PPP2R2A: variants seen among roughly 807,000 people sequenced by gnomAD.
PPP2R2A encodes the protein protein phosphatase 2 regulatory subunit Balpha.
In PPP2R2A, 9 loss-of-function variants were observed where a neutral mutation model predicts 53.2. That is an observed-to-expected ratio of 0.17 (90% confidence interval 0.10 to 0.30). The LOEUF (loss-of-function observed/expected upper bound fraction) is 0.30, where lower values mean the gene tolerates loss of function less well. Ranked by LOEUF, PPP2R2A falls within the 10% of genes least tolerant of loss-of-function variation. The probability of loss-of-function intolerance (pLI) is 1.00; values close to 1 mark genes in which losing one functional copy is unlikely to be tolerated. For missense variants in PPP2R2A, 235 were observed against 534.6 expected, an observed-to-expected ratio of 0.44 and a Z score of 5.53; for synonymous variants, 169 against 174.2, an observed-to-expected ratio of 0.97 and a Z score of 0.23.
At chr8:26,328,506 A>G (rs1179626455) in intron 2 of PPP2R2A, among the ~76,000 whole-genome samples, 1 of 152,192 alleles carries the variant, frequency 6.6e-6, no homozygotes, top group East Asian at 1.9e-4. Flanking sequence ...TCCATCTATT[A>G]TCAAAGTTTC....
intron 2 of PPP2R2A, among the ~76,000 whole-genome samples, chr8:26,297,540 ACTGT>A (rs987306581): frequency 1.2e-4 from 18 of 152,284 alleles, no homozygotes; most frequent in African/African-American, 3.4e-4. Context: ...TTTATTGAAA[ACTGT>A]CTGTCATGAG....
intron 1 of PPP2R2A, chr8:26,293,302 C>G: frequency 6.6e-7 from 1 of 1,520,794 alleles, no homozygotes; most frequent in Non-Finnish European, 8.8e-7. Context: ...ACCTTATTAA[C>G]TCTTCTGCAG....
chr8:26,347,557 ACTTTAACAACTTTAGGT>A (rs1804283990), intron 3 of PPP2R2A, among the ~76,000 whole-genome samples: 1 of 152,224 alleles, frequency 6.6e-6, no homozygotes, highest in African/African-American at 2.4e-5. Flanking sequence ...GAGTGAAAGC[ACTTTAACAACTTTAGGT>A]TTTAAAGCAT....
chr8:26,336,666 C>T (rs1316949137), intron 2 of PPP2R2A, among the ~76,000 whole-genome samples: 1 of 152,040 alleles, frequency 6.6e-6, no homozygotes, highest in African/African-American at 2.4e-5. Context: ...CACTGAAGAC[C>T]ACAAGCTCGA....
intron 2 of PPP2R2A, among the ~76,000 whole-genome samples, chr8:26,330,366 A>G (rs1345445993): frequency 1.4e-5 from 2 of 145,276 alleles, no homozygotes; most frequent in South Asian, 2.1e-4. Context: ...CTGGAGTGCA[A>G]TGGCACCATC....
chr8:26,295,508 ACAAAGT>A (rs1162389047), intron 2 of PPP2R2A, among the ~76,000 whole-genome samples: 1 of 152,238 alleles, frequency 6.6e-6, no homozygotes, highest in African/African-American at 2.4e-5. Context: ...TGAGCAGAAA[ACAAAGT>A]CAAAGTTTTC....
chr8:26,353,682 T>C (rs749011824), intron 3 of PPP2R2A, among the ~76,000 whole-genome samples: 3 of 152,258 alleles, frequency 2.0e-5, no homozygotes, highest in Non-Finnish European at 2.9e-5. Flanking sequence ...ATATTAATGC[T>C]AACCAGAGTA....
At chr8:26,314,917 T>C (rs1802473763) in intron 2 of PPP2R2A, among the ~76,000 whole-genome samples, 1 of 133,524 alleles carries the variant, frequency 7.5e-6, no homozygotes, top group Non-Finnish European at 1.6e-5. Flanking sequence ...TATTTTCCAT[T>C]TCCTTTTTGC....
chr8:26,347,172 CTT>C (rs1223241486), intron 3 of PPP2R2A, among the ~76,000 whole-genome samples: 35 of 141,262 alleles, frequency 2.5e-4, no homozygotes, highest in Admixed American at 3.6e-4. Context: ...TAAAATGAAT[CTT>C]TTTTTTTTTT....
At chr8:26,295,711 CAT>C (rs1323212088) in intron 2 of PPP2R2A, among the ~76,000 whole-genome samples, 3 of 152,128 alleles carry the variant, frequency 2.0e-5, no homozygotes, top group East Asian at 3.8e-4. Context: ...AGTAAGATAA[CAT>C]ATCTTAGTAA....
In PPP2R2A at chr8:26,327,187, G is replaced by A. The variant is rs978177769; in HGVS notation, c.83-11703G>A. On this transcript the variant is annotated intron_variant, in intron 2 of 9. Coordinates refer to ENST00000380737, the MANE Select transcript of PPP2R2A (RefSeq NM_002717.4). Reference sequence around the variant, plus strand: ...AGAGCAGCTCCATCTTCTCTTTAGAGTATGTTACATAAGCATTAAATCGAG... The same window carrying A: ...AGAGCAGCTCCATCTTCTCTTTAGAATATGTTACATAAGCATTAAATCGAG... Among the ~76,000 whole-genome samples the A allele has an allele frequency of 3.9e-5, 6 of 152,182 alleles. No individual in the cohort carries two copies. In the East Asian group the frequency reaches 1.2e-3, roughly 29 times the overall value.
chr8:26,327,314 T>C (rs1458148672), intron 2 of PPP2R2A, among the ~76,000 whole-genome samples: 3 of 152,176 alleles, frequency 2.0e-5, no homozygotes, highest in Non-Finnish European at 4.4e-5. Context: ...CTTCCCGCCC[T>C]TCAGCCTCAG....
In PPP2R2A at chr8:26,360,504, T is replaced by C; in HGVS notation, c.459+223T>C. On this transcript the variant is annotated intron_variant, in intron 5 of 9. Coordinates refer to ENST00000380737, the MANE Select transcript of PPP2R2A (RefSeq NM_002717.4). The surrounding 1 kb of genome is among the most constrained non-coding windows in gnomAD (Gnocchi z 4.5). Reference sequence around the variant, plus strand: ...GAAGCAGGACTCAAGCACAAGACAGTATTTCACGCCATCAGACTTCATCTC... The same window carrying C: ...GAAGCAGGACTCAAGCACAAGACAGCATTTCACGCCATCAGACTTCATCTC... 2.9e-6 allele frequency: 1 copy of C among 346,128 alleles called. No homozygotes were observed. Among genetic ancestry groups the C allele is most frequent in the Non-Finnish European group, 5.2e-6 (1 of 193,766 alleles). 21.4% of individuals were successfully genotyped at this position (346,128 alleles called of 1,614,324 possible).
At chr8:26,345,236 T>C (rs1804150262) in intron 3 of PPP2R2A, among the ~76,000 whole-genome samples, 1 of 152,226 alleles carries the variant, frequency 6.6e-6, no homozygotes, top group African/African-American at 2.4e-5. Flanking sequence ...CCCAGTAATT[T>C]TGGAATTAAT....
intron 2 of PPP2R2A, among the ~76,000 whole-genome samples, chr8:26,327,333 A>G (rs1216057284): frequency 6.6e-6 from 1 of 152,210 alleles, no homozygotes; most frequent in Non-Finnish European, 1.5e-5. Flanking sequence ...AGGTTACAGG[A>G]ATAAATAAGT....
intron 4 of PPP2R2A, chr8:26,359,023 G>T (rs1461220392): frequency 4.5e-6 from 2 of 448,090 alleles, no homozygotes; most frequent in Non-Finnish European, 9.0e-6. Flanking sequence ...CCAAGTTAAC[G>T]CCACCAGCTG....
At chr8:26,316,557 T>C (rs569844175) in intron 2 of PPP2R2A, among the ~76,000 whole-genome samples, 4 of 152,336 alleles carry the variant, frequency 2.6e-5, no homozygotes, top group African/African-American at 9.6e-5. Flanking sequence ...ATATTTGTCT[T>C]AGAATGAAGA....
rs1227855515 is a variant in PPP2R2A at position 26,363,788 on chromosome 8, T to C, written c.870T>C (p.Asp290=). 1 of 1,608,680 alleles carries C rather than the reference T, an allele frequency of 6.2e-7. No homozygotes were observed. Among genetic ancestry groups the C allele is most frequent in the East Asian group, 2.2e-5 (1 of 44,712 alleles). ...CCGAAATCATCTCCTCTATTTCGGATGTAAAATTCAGCCATAGTGGTCGAT... is the reference window on the plus strand; with the variant it reads ...CCGAAATCATCTCCTCTATTTCGGACGTAAAATTCAGCCATAGTGGTCGAT... ...FFSEIISSIS[D]VKFSHSGRYM... The change falls in exon 8 of 10, where the codon GAT becomes GAC. Residue 290 remains aspartate, a synonymous_variant. Transcript: ENST00000380737.
intron 2 of PPP2R2A, among the ~76,000 whole-genome samples, chr8:26,334,499 A>C (rs1305888475): frequency 6.6e-6 from 1 of 152,154 alleles, no homozygotes; most frequent in African/African-American, 2.4e-5. Flanking sequence ...AAATTCCAGC[A>C]TATTGGGAGG....
Sources: allele counts gnomAD v4.1 joint callset (sites outside exome capture counted in the v4.1 genomes callset), GRCh38; gene constraint gnomAD v4.1.1; non-coding constraint Gnocchi (gnomAD v3.1); transcripts MANE v1.5; gene names NCBI Gene and HGNC (gene_info 2026-07-23, HGNC 2026-07-21).